Variants in GOLGB1 observed in about 807,000 individuals in gnomAD.
GOLGB1 encodes golgin B1.
Under a neutral mutation model 336.9 loss-of-function variants are expected in GOLGB1, and 174 were observed. The observed-to-expected ratio is 0.52, with a 90% CI of 0.46 to 0.59. The LOEUF (loss-of-function observed/expected upper bound fraction) is 0.59. Among genes scored for constraint, GOLGB1 ranks in the 20% least tolerant of loss-of-function variants. GOLGB1 has a pLI of 0.00. For missense variants in GOLGB1, 3,331 were observed against 3,645.3 expected, an observed-to-expected ratio of 0.91 and a Z score of 2.22; for synonymous variants, 1,208 against 1,289.2, an observed-to-expected ratio of 0.94 and a Z score of 1.35.
chr3:121,690,728 G>C lies in GOLGB1; in HGVS notation c.8636C>G (p.Ala2879Gly). ...AGCTTTTTTTAAACTCTGTACTTCA[G>C]CTGGGCTGGTGGAAGGCTGAGCTGC... Reference protein sequence around the residue: ...RSAAQPSTSPAEVQSLKKAMS... With the variant: ...RSAAQPSTSPGEVQSLKKAMS... Residue 2879 changes from alanine to glycine, a missense_variant, in exon 14 of 22, where the codon GCT (alanine) becomes GGT (glycine). Coordinates refer to ENST00000614479, the MANE Select transcript of GOLGB1 (RefSeq NM_001366282.2). 2 of 1,542,180 alleles carry C rather than the reference G, an allele frequency of 1.3e-6. No individual in the cohort carries two copies. The highest frequency in any genetic ancestry group is 1.7e-6 in the Non-Finnish European group (2 of 1,150,990).
At position 121,694,049 on chromosome 3, in the gene GOLGB1, G is replaced by T; in HGVS notation, c.6474C>A (p.Val2158=). ...TCTCTCCAATTGTCTCTTCCAAGTG[G>T]ACTTTTTCTCTGCGCAAAGCATCCA... ...EKLDALRREK[V]HLEETIGEIQ... is the part of the protein sequence containing the mutation. The change falls in exon 13 of 22, where the codon GTC becomes GTA. Residue 2158 remains valine (V), a synonymous_variant. Transcript: ENST00000614479. 1 of 1,613,970 alleles carries T rather than the reference G, an allele frequency of 6.2e-7. No individual in the cohort carries two copies. Among genetic ancestry groups the T allele is most frequent in the Non-Finnish European group, 8.5e-7 (1 of 1,179,912 alleles).
rs1938271900 is a variant in GOLGB1, at chr3:121,664,236, A to G, written c.*244T>C. 5 of 513,394 alleles carry G rather than the reference A, an allele frequency of 9.7e-6. 1 individual carries two copies. Among genetic ancestry groups the G allele is most frequent in the Non-Finnish European group, 1.8e-5 (5 of 285,184 alleles). 31.8% of individuals were successfully genotyped at this position (513,394 alleles called of 1,614,324 possible). A position where few individuals can be genotyped will look rare whatever the true frequency, so the allele number is the denominator to read the frequency against. On this transcript the variant is annotated 3_prime_UTR_variant, in exon 22 of 22. Transcript: ENST00000614479. ...CAACAAATATTAGGCTCAACAAACC[A>G]AATGTGATTCTCAGATTAAGCAGAA...
At chr3:121,668,204 G>A in intron 18 of GOLGB1, 46 bp from the exon 19 acceptor site, 1 of 1,169,450 alleles carries the variant, frequency 8.6e-7, no homozygotes, top group Non-Finnish European at 1.3e-6. Context: ...AAGCTCTTAA[G>A]AAAGTGTATT....
chr3:121,733,219 AGGCTGAGGCAGGAGAAT>A (rs1269817092), intron 1 of GOLGB1, among the ~76,000 whole-genome samples: 1 of 138,414 alleles, frequency 7.2e-6, no homozygotes, highest in Non-Finnish European at 1.5e-5. Context: ...GCTACTCTGG[AGGCTGAGGCAGGAGAAT>A]GGCGTGAACC....
intron 2 of GOLGB1, 73 bp downstream of exon 2, chr3:121,730,803 A>G: frequency 6.7e-7 from 1 of 1,482,422 alleles, no homozygotes; most frequent in Non-Finnish European, 9.0e-7. Flanking sequence ...ACACCCTTCT[A>G]TCTTAAATTA....
chr3:121,715,351 C>A (rs955580282), intron 9 of GOLGB1, among the ~76,000 whole-genome samples: 2 of 150,140 alleles, frequency 1.3e-5, no homozygotes, highest in Admixed American at 1.3e-4. Context: ...TACAGGCATG[C>A]GTCACCATGC....
rs1452728926 is a variant in GOLGB1 at position 121,697,360 on chromosome 3, A to G, written c.3163T>C (p.Cys1055Arg). ...ATTTCTTGGCACTTAGAAGTCACAC[A>G]TTTTTCTGAGTATTCTTTGTTTTCT... ...DKENKEYSEK[C>R]VTSKCQEIEI... Residue 1055 changes from cysteine (C) to arginine (R), a missense_variant, in exon 13 of 22, where the codon TGT becomes CGT. Physicochemically the swap from Cys to Arg is radical, Grantham distance 180. Transcript: ENST00000614479. The G allele has an allele frequency of 6.2e-7, 1 of 1,613,502 alleles. No homozygotes were observed.
intron 14 of GOLGB1, among the ~76,000 whole-genome samples, chr3:121,687,843 T>C (rs1310620915): frequency 6.6e-6 from 1 of 152,198 alleles, no homozygotes; most frequent in African/African-American, 2.4e-5. Flanking sequence ...TTGAGGCACA[T>C]ACCATCCTGA....
rs1439001644 is a variant in GOLGB1 at position 121,691,774 on chromosome 3, C to G, written c.7590G>C (p.Glu2530Asp). Residue 2530 changes from glutamate to aspartate, a missense_variant, in exon 14 of 22, where the codon GAG becomes GAC. Transcript: ENST00000614479. ...LRSHMDDLNS[E>D]NAKLDAELIQ... ...TCAGTTCTGCATCTAGCTTGGCATT[C>G]TCAGAATTGAGATCATCCATATGAC... is the stretch of plus-strand genomic sequence containing the variant. 6.2e-7 allele frequency: 1 copy of G among 1,613,530 alleles called. No individual in the cohort carries two copies. The highest frequency in any genetic ancestry group is 1.3e-5 in the African/African-American group (1 of 74,902).
At position 121,694,628 on chromosome 3, in the gene GOLGB1, G is replaced by A. The variant is rs2107819604; in HGVS notation, c.5895C>T (p.Asn1965=). 1 of 1,611,654 alleles carries A rather than the reference G, an allele frequency of 6.2e-7. No individual in the cohort carries two copies. The highest frequency in any genetic ancestry group is 1.1e-5 in the South Asian group (1 of 91,002). The part of the protein sequence containing the change: ...KNELLESEMK[N]LKKCVSELEE... ...CCAATTCACTCACACACTTTTTAAG[G>A]TTCTTCATTTCAGATTCCAATAGCT... Residue 1965 remains asparagine (N), a synonymous_variant, in exon 13 of 22, where the codon AAC becomes AAT. Coordinates refer to ENST00000614479, the MANE Select transcript of GOLGB1 (RefSeq NM_001366282.2).
intron 10 of GOLGB1, among the ~76,000 whole-genome samples, chr3:121,707,168 A>T (rs1301345143): frequency 6.9e-6 from 1 of 144,956 alleles, no homozygotes; most frequent in African/African-American, 2.5e-5. Flanking sequence ...CGGAGATTGC[A>T]GTGAGTCAAG....
chr3:121,678,530 G>A (rs1389049492), intron 15 of GOLGB1, among the ~76,000 whole-genome samples: 1 of 151,738 alleles, frequency 6.6e-6, no homozygotes, highest in Admixed American at 6.6e-5. Context: ...TGTCCAACAT[G>A]GTAATTCTCC....
rs766705145 is a variant in GOLGB1 at position 121,668,121 on chromosome 3, T to C, written c.9359A>G (p.Gln3120Arg). The change falls in exon 19 of 22, where the codon CAG (glutamine) becomes CGG (arginine). Residue 3120 changes from glutamine (Q) to arginine (R), a missense_variant. Transcript: ENST00000614479. ...CTTTCTGTGAACTCCATTCTTTTCC[T>C]GGGGAGCTCCTGGAGCAACATCTAT... ...LNIDVAPGAP[Q>R]EKNGVHRKSD... 3 of 1,607,424 alleles carry C rather than the reference T, an allele frequency of 1.9e-6. No individual in the cohort carries two copies. The highest frequency in any genetic ancestry group is 2.6e-6 in the Non-Finnish European group (3 of 1,176,050).
intron 9 of GOLGB1, 127 bp from the exon 10 acceptor site, chr3:121,715,103 A>G (rs769467811): frequency 1.7e-6 from 1 of 594,174 alleles, no homozygotes; most frequent in Non-Finnish European, 3.0e-6. Flanking sequence ...TATGATGCCA[A>G]TGACAACATT....
Position 121,729,866 on chromosome 3 carries a change from T to C in GOLGB1, c.248A>G (p.Gln83Arg), listed in dbSNP as rs774685988. 6 of 1,607,886 alleles carry C rather than the reference T, an allele frequency of 3.7e-6. No individual in the cohort carries two copies. The East Asian group carries it at 8.9e-5, about 24-fold the overall frequency. The change falls in exon 3 of 22, where the codon CAG becomes CGG. Residue 83 changes from glutamine (Q) to arginine (R), a missense_variant and splice_region_variant. By Grantham distance (43) the Gln-to-Arg change is conservative. Coordinates refer to ENST00000614479, the MANE Select transcript of GOLGB1 (RefSeq NM_001366282.2). ...AAGAAAGGATAAAAACAATAGTACC[T>C]GTAGAGCTTCATCTTTCTGCTGCAG... is the stretch of plus-strand genomic sequence containing the variant. ...VQLQQKDEAL[Q>R]EERKAADNKI...
Position 121,695,428 on chromosome 3 carries a change from C to T in GOLGB1, c.5095G>A (p.Glu1699Lys), listed in dbSNP as rs376709173. ...SKQQKILELE[E>K]ENDRLRAEVH... Reference sequence around the variant, plus strand: ...TCTGCCCTAAGCCGGTCATTCTCTTCTTCCAGCTCTAGGATTTTCTGCTGT... The same window carrying T: ...TCTGCCCTAAGCCGGTCATTCTCTTTTTCCAGCTCTAGGATTTTCTGCTGT... Residue 1699 changes from glutamate (E) to lysine (K), a missense_variant, in exon 13 of 22, where the codon GAA (glutamate) becomes AAA (lysine). By Grantham distance (56) the Glu-to-Lys change is moderately conservative (BLOSUM62 1). Coordinates refer to ENST00000614479, the MANE Select transcript of GOLGB1 (RefSeq NM_001366282.2). 1.1e-5 allele frequency: 18 copies of T among 1,614,070 alleles called. No homozygotes were observed. The South Asian group carries it at 2.0e-4, about 18-fold the overall frequency.
chr3:121,668,020 C>A, intron 19 of GOLGB1, 41 bp downstream of exon 19: 1 of 1,043,616 alleles, frequency 9.6e-7, no homozygotes, highest in South Asian at 1.5e-5. Context: ...AATTTCTGGA[C>A]TCTGGTGTAT....
At chr3:121,733,287 CAA>C (rs35457720) in intron 1 of GOLGB1, among the ~76,000 whole-genome samples, 22 of 64,638 alleles carry the variant, frequency 3.4e-4, no homozygotes, top group South Asian at 1.2e-3. Context: ...TGCTCCGTCT[CAA>C]AAAAAAAAAA....
chr3:121,691,769 G>C lies in GOLGB1; in HGVS notation c.7595C>G (p.Ala2532Gly). ...TTGGATCAGTTCTGCATCTAGCTTG[G>C]CATTCTCAGAATTGAGATCATCCAT... ...SHMDDLNSEN[A>G]KLDAELIQYR... is the part of the protein sequence containing the mutation. Residue 2532 changes from alanine to glycine, a missense_variant, in exon 14 of 22, where the codon GCC becomes GGC. Transcript: ENST00000614479. 3 of 1,613,078 alleles carry C rather than the reference G, an allele frequency of 1.9e-6. No individual in the cohort carries two copies. The South Asian group carries it at 3.3e-5, about 18-fold the overall frequency.
Sources: allele counts gnomAD v4.1 joint callset (sites outside exome capture counted in the v4.1 genomes callset), GRCh38; gene constraint gnomAD v4.1.1; transcripts MANE v1.5; gene names NCBI Gene and HGNC (gene_info 2026-07-23, HGNC 2026-07-21).